The following DLG2 variants were observed in gnomAD, a reference collection of about 807,000 sequenced individuals.
DLG2 encodes discs large MAGUK scaffold protein 2.
DLG2 carries 45 observed loss-of-function variants against 132.5 expected under a neutral mutation model. That is an observed-to-expected ratio of 0.34 (90% CI 0.27 to 0.44). The LOEUF is 0.44. Among genes scored for constraint, DLG2 ranks in the 20% least tolerant of loss-of-function variants. The probability of loss-of-function intolerance (pLI) is 1.00; values close to 1 mark genes in which losing one functional copy is unlikely to be tolerated. For synonymous variants in DLG2, 424 were observed against 419.6 expected (o/e 1.01, Z -0.13); for missense variants, 1,045 against 1,196.9 (o/e 0.87, Z 1.87).
At chr11:84,390,999 CT>C (rs1455492726) in intron 7 of DLG2, among the ~76,000 whole-genome samples, 1 of 152,078 alleles carries the variant, frequency 6.6e-6, no homozygotes, top group Non-Finnish European at 1.5e-5. Flanking sequence ...CCTGAAACTG[CT>C]TATGCTAATT....
At chr11:85,495,682 G>A (rs897350724) in intron 3 of DLG2, among the ~76,000 whole-genome samples, 1 of 152,166 alleles carries the variant, frequency 6.6e-6, no homozygotes, top group Admixed American at 6.5e-5. Flanking sequence ...CACTGTTGGT[G>A]GGAGTATCAA....
intron 4 of DLG2, among the ~76,000 whole-genome samples, chr11:85,268,072 T>C (rs1309807621): frequency 6.6e-6 from 1 of 152,198 alleles, no homozygotes; most frequent in Admixed American, 6.5e-5. Flanking sequence ...TTGTATTATT[T>C]TATTTAACCT....
chr11:84,870,637 G>A (rs1272599131), intron 6 of DLG2, among the ~76,000 whole-genome samples: 1 of 152,202 alleles, frequency 6.6e-6, no homozygotes, highest in Admixed American at 6.5e-5. Flanking sequence ...ATGGGCATAT[G>A]TGTGTCTTCC....
At chr11:84,333,229 CCAAA>C (rs1365441697) in intron 7 of DLG2, among the ~76,000 whole-genome samples, 4 of 152,196 alleles carry the variant, frequency 2.6e-5, no homozygotes, top group East Asian at 1.9e-4. Context: ...TTTGATGGCA[CCAAA>C]CAAAGAGAAA....
chr11:84,626,847 A>ATATTTTATTT lies in DLG2; in HGVS notation c.358-92126_358-92117dup, dbSNP rs1555110160. On this transcript the variant is annotated intron_variant, in intron 6 of 27. Coordinates refer to ENST00000376104, the MANE Select transcript of DLG2 (RefSeq NM_001142699.3). ...GGAAGCCAAGTGGCTCATCAATTAC[A>ATATTTTATTT]TATTTTATTTTATTTTATTTTATTT... Among the ~76,000 whole-genome samples the ATATTTTATTT allele has an allele frequency of 4.9e-3, 710 of 144,096 alleles. 10 individuals are homozygous for ATATTTTATTT. The highest frequency in any genetic ancestry group is 0.025 in the East Asian group (122 of 4,906). The allele number at this position is 144,096 out of a possible 152,430, so 94.5% of individuals were successfully genotyped here.
chr11:84,506,711 G>T (rs2099242419), intron 7 of DLG2, among the ~76,000 whole-genome samples: 1 of 152,092 alleles, frequency 6.6e-6, no homozygotes, highest in South Asian at 2.1e-4. Context: ...ACTTTTTAAA[G>T]TAACAATACA....
intron 7 of DLG2, among the ~76,000 whole-genome samples, chr11:84,513,794 T>G (rs898152635): frequency 2.7e-5 from 4 of 150,672 alleles, no homozygotes; most frequent in African/African-American, 9.8e-5. Flanking sequence ...AAAAAAATCT[T>G]GAATAATACC....
At chr11:83,585,249 G>C (rs966964389) in intron 19 of DLG2, among the ~76,000 whole-genome samples, 1 of 152,154 alleles carries the variant, frequency 6.6e-6, no homozygotes, top group African/African-American at 2.4e-5. Flanking sequence ...TTTTAAAATA[G>C]TAGTGGTTAA....
intron 5 of DLG2, among the ~76,000 whole-genome samples, chr11:85,114,902 C>A (rs916221006): frequency 5.3e-5 from 8 of 151,938 alleles, no homozygotes; most frequent in Middle Eastern, 3.4e-3. Flanking sequence ...CTTATATATA[C>A]ATTGAGCCCT....
At chr11:83,939,762 A>G (rs549300041) in intron 14 of DLG2, among the ~76,000 whole-genome samples, 1 of 152,330 alleles carries the variant, frequency 6.6e-6, no homozygotes, top group Non-Finnish European at 1.5e-5. Flanking sequence ...AGTAGAATTC[A>G]AAATGTTTAT....
intron 8 of DLG2, among the ~76,000 whole-genome samples, chr11:84,201,306 T>C (rs1211666478): frequency 1.3e-5 from 2 of 152,354 alleles, no homozygotes; most frequent in Middle Eastern, 3.4e-3. Flanking sequence ...TATTTGACTG[T>C]AATGGATAAG....
chr11:83,772,097 T>C (rs1354753300), intron 18 of DLG2, among the ~76,000 whole-genome samples: 1 of 152,180 alleles, frequency 6.6e-6, no homozygotes, highest in Non-Finnish European at 1.5e-5. Context: ...GATTGGTTAT[T>C]ATGATAGTCA....
intron 18 of DLG2, among the ~76,000 whole-genome samples, chr11:83,723,859 A>G (rs985946312): frequency 2.0e-5 from 3 of 151,670 alleles, no homozygotes; most frequent in Admixed American, 2.0e-4. Context: ...ACATCTCAAA[A>G]AAAATAAATA....
At chr11:84,637,788 T>C (rs866007079) in intron 6 of DLG2, among the ~76,000 whole-genome samples, 1 of 152,238 alleles carries the variant, frequency 6.6e-6, no homozygotes, top group African/African-American at 2.4e-5. Flanking sequence ...GTGGAGCTTT[T>C]GGTTTACAGT....
Position 85,078,885 on chromosome 11 carries a change from A to G in DLG2, c.357+32776T>C, listed in dbSNP as rs138124038. Among the ~76,000 whole-genome samples, 530 of 152,250 alleles carry G rather than the reference A, an allele frequency of 3.5e-3. 3 individuals carry two copies. The highest frequency in any genetic ancestry group is 4.9e-3 in the Non-Finnish European group (333 of 68,004). ...AAATGCGTTCAAGTTTTGTAAACCA[A>G]AAGTATCTAAGACAGGTCTTAATCA... is the stretch of plus-strand genomic sequence containing the variant. On this transcript the variant is annotated intron_variant, in intron 6 of 27. Coordinates refer to ENST00000376104, the MANE Select transcript of DLG2 (RefSeq NM_001142699.3).
At chr11:84,582,419 A>G (rs2099518765) in intron 6 of DLG2, among the ~76,000 whole-genome samples, 1 of 148,918 alleles carries the variant, frequency 6.7e-6, no homozygotes, top group Non-Finnish European at 1.5e-5. Context: ...TAAAATACAT[A>G]TATATTAAGT....
At chr11:84,395,347 A>C (rs1180204781) in intron 7 of DLG2, among the ~76,000 whole-genome samples, 2 of 152,142 alleles carry the variant, frequency 1.3e-5, no homozygotes, top group East Asian at 3.9e-4. Context: ...AAATGCTGTC[A>C]GGGCAGAAGG....
chr11:83,904,950 T>C lies in DLG2; in HGVS notation c.1496+25378A>G, dbSNP rs1402569111. ...AATCTTCTGTCCGTATCCAGTACAG[T>C]GTAGGAGGCTTACTTATTAGACTGA... On this transcript the variant is annotated intron_variant, in intron 15 of 27. Coordinates refer to ENST00000376104, the MANE Select transcript of DLG2 (RefSeq NM_001142699.3). Among the ~76,000 whole-genome samples, 4 of 152,266 alleles carry C rather than the reference T, an allele frequency of 2.6e-5. No individual in the cohort carries two copies. The East Asian group carries it at 7.7e-4, about 29-fold the overall frequency.
chr11:83,845,477 C>A (rs377025494), intron 16 of DLG2, among the ~76,000 whole-genome samples: 76 of 152,230 alleles, frequency 5.0e-4, no homozygotes, highest in African/African-American at 1.7e-3. Flanking sequence ...AATAATCAGT[C>A]AAACAGATTA....
Sources: allele counts gnomAD v4.1 joint callset (sites outside exome capture counted in the v4.1 genomes callset), GRCh38; gene constraint gnomAD v4.1.1; transcripts MANE v1.5; gene names NCBI Gene and HGNC (gene_info 2026-07-23, HGNC 2026-07-21).